The following CCDC57 variants were observed in gnomAD, a reference collection of about 807,000 sequenced individuals.
The protein encoded by CCDC57 is coiled-coil domain containing 57, also known as coiled-coil domain-containing protein 57.
A neutral mutation model predicts 118.9 loss-of-function variants in CCDC57; 118 were observed. That is an observed-to-expected ratio of 0.99 (90% CI 0.86 to 1.16). CCDC57 has a LOEUF of 1.16. Ranked by LOEUF, CCDC57 falls within the 50% of genes most tolerant of loss-of-function variation. The pLI is 0.00. For synonymous variants in CCDC57, 527 were observed against 532.9 expected, an observed-to-expected ratio of 0.99 and a Z score of 0.15; for missense variants, 1,300 against 1,320.7, an observed-to-expected ratio of 0.98 and a Z score of 0.24.
intron 19 of CCDC57, chr17:82,108,839 G>A (rs6502054): frequency 0.51 from 77,362 of 151,642 alleles, 20,426 homozygotes; most frequent in Non-Finnish European, 0.56. Context: ...AAGGAGCCTC[G>A]CTTTCTCCAG....
chr17:82,166,403 TC>T (rs1024983315), intron 13 of CCDC57, among the ~76,000 whole-genome samples: 9 of 149,786 alleles, frequency 6.0e-5, no homozygotes, highest in African/African-American at 2.2e-4. Context: ...TAACCCCAGC[TC>T]TTCAGCAGTC....
intron 13 of CCDC57, among the ~76,000 whole-genome samples, chr17:82,171,462 C>T (rs1400038044): frequency 2.0e-5 from 3 of 149,906 alleles, no homozygotes; most frequent in Admixed American, 6.6e-5. Context: ...AGCCAGGGCA[C>T]GTGGGCTCCG....
chr17:82,170,095 C>T (rs114867071), intron 13 of CCDC57, among the ~76,000 whole-genome samples: 2,495 of 152,258 alleles, frequency 0.016, 72 homozygotes, highest in African/African-American at 0.057. Flanking sequence ...GCTCTGCCCC[C>T]CAAAATTTAC....
rs146215512 is a variant in CCDC57, at chr17:82,195,371, C to G, written c.517-7G>C. On this transcript the variant is annotated splice_polypyrimidine_tract_variant and splice_region_variant and intron_variant, in intron 4 of 19. Coordinates refer to ENST00000665763, the Ensembl canonical transcript of CCDC57. ...CAAACTCCAGCAGCAGTTCCTGGAA[C>G]AAACAGGTTTCATGATGAAAGAACA... 1.5e-5 allele frequency: 23 copies of G among 1,580,206 alleles called. No individual in the cohort carries two copies. In the East Asian group the frequency reaches 5.3e-4, roughly 37 times the overall value.
intron 16 of CCDC57, among the ~76,000 whole-genome samples, chr17:82,140,676 C>T (rs2039893616): frequency 6.6e-6 from 1 of 152,188 alleles, no homozygotes; most frequent in African/African-American, 2.4e-5. Flanking sequence ...GTAACCAAGG[C>T]CCTGCATGGA....
intron 19 of CCDC57, among the ~76,000 whole-genome samples, chr17:82,116,096 C>T (rs2035872835): frequency 7.3e-6 from 1 of 136,708 alleles, no homozygotes; most frequent in African/African-American, 2.8e-5. Context: ...CGCGCCCGGC[C>T]ACAACCTTTT....
At chr17:82,164,451 T>C (rs8078950) in intron 13 of CCDC57, among the ~76,000 whole-genome samples, 1 of 151,916 alleles carries the variant, frequency 6.6e-6, no homozygotes, top group Non-Finnish European at 1.5e-5. Context: ...ACGTTAGTAT[T>C]AGATACTGAG....
chr17:82,127,525 AGGTG>A, intron 19 of CCDC57, 163 bp downstream of exon 18: 3 of 985,448 alleles, frequency 3.0e-6, no homozygotes, highest in Non-Finnish European at 3.6e-6. Context: ...GGAAACACTC[AGGTG>A]CCAAATGAGA....
At chr17:82,170,804 G>A (rs1312892324) in intron 13 of CCDC57, among the ~76,000 whole-genome samples, 2 of 152,174 alleles carry the variant, frequency 1.3e-5, no homozygotes, top group Non-Finnish European at 2.9e-5. Flanking sequence ...TCAATCCCAC[G>A]AATCTCATGA....
At chr17:82,196,807 A>G (rs549463711) in intron 4 of CCDC57, among the ~76,000 whole-genome samples, 2 of 150,656 alleles carry the variant, frequency 1.3e-5, no homozygotes, top group African/African-American at 4.9e-5. Flanking sequence ...ACCTGCAGAG[A>G]CGCAGCCCCT....
At chr17:82,113,044 A>G (rs2035403657) in intron 19 of CCDC57, 7 of 320,792 alleles carry the variant, frequency 2.2e-5, no homozygotes, top group Non-Finnish European at 3.4e-5. Context: ...TTCTTAATGT[A>G]TTTACTTTGT....
At chr17:82,210,594 C>A (rs572772713) in intron 1 of CCDC57, among the ~76,000 whole-genome samples, 1 of 150,986 alleles carries the variant, frequency 6.6e-6, no homozygotes, top group Non-Finnish European at 1.5e-5. Flanking sequence ...GCAGGACAAT[C>A]ACTTGAACCC....
Position 82,188,212 on chromosome 17 carries a change from C to T in CCDC57, c.1052+7G>A, listed in dbSNP as rs920440831. On this transcript the variant is annotated splice_region_variant and intron_variant, in intron 8 of 19. Coordinates refer to ENST00000665763, the Ensembl canonical transcript of CCDC57. Reference sequence around the variant, plus strand: ...CACCCTCTGGGTGGAGCCAAGCACACGCTCACTGGTCAATGGCAGCGTCCT... The same window carrying T: ...CACCCTCTGGGTGGAGCCAAGCACATGCTCACTGGTCAATGGCAGCGTCCT... 9.7e-6 allele frequency: 15 copies of T among 1,542,000 alleles called. No individual in the cohort carries two copies. The highest frequency in any genetic ancestry group is 2.0e-5 in the Admixed American group (1 of 50,792).
intron 17 of CCDC57, 67 bp from the exon 17 acceptor site, chr17:82,128,664 T>G: frequency 7.8e-7 from 1 of 1,276,650 alleles, no homozygotes; most frequent in East Asian, 2.5e-5. Context: ...GTCAGTGAGT[T>G]TTCCCACAAG....
At chr17:82,152,018 C>T in intron 15 of CCDC57, 1 of 522,140 alleles carries the variant, frequency 1.9e-6, no homozygotes, top group Non-Finnish European at 3.4e-6. Context: ...GCCCCCAGAT[C>T]TCCCAGGCCC....
At chr17:82,193,551 A>T (rs896310802) in intron 7 of CCDC57, among the ~76,000 whole-genome samples, 2 of 152,086 alleles carry the variant, frequency 1.3e-5, no homozygotes, top group Non-Finnish European at 2.9e-5. Flanking sequence ...TCAAAAAAAA[A>T]AAAGCAAGCA....
Position 82,101,606 on chromosome 17 carries a change from C to T in CCDC57, c.*76G>A, listed in dbSNP as rs769580451. The T allele has an allele frequency of 5.5e-6, 7 of 1,271,654 alleles. No homozygotes were observed. The Admixed American group carries it at 6.7e-5, about 12-fold the overall frequency. 78.8% of individuals were successfully genotyped at this position (1,271,654 alleles called of 1,614,324 possible). ...TGCACGCTGTGCCCACACCCCCCCA[C>T]AACACGTAGGTGAAAGCACAGGCAC... is the stretch of plus-strand genomic sequence containing the variant. On this transcript the variant is annotated 3_prime_UTR_variant, in exon 20 of 20. Transcript: ENST00000665763.
At chr17:82,175,699 C>T (rs374961521) in intron 11 of CCDC57, 1 of 152,200 alleles carries the variant, frequency 6.6e-6, no homozygotes, top group South Asian at 2.1e-4. Context: ...CTCTGACCAC[C>T]TCGGAACACG....
At chr17:82,119,643 G>A (rs1376147900) in intron 19 of CCDC57, among the ~76,000 whole-genome samples, 1 of 152,044 alleles carries the variant, frequency 6.6e-6, no homozygotes, top group African/African-American at 2.4e-5. Context: ...GAGGGTGCCT[G>A]CAGGTGCTGC....
Sources: allele counts gnomAD v4.1 joint callset (sites outside exome capture counted in the v4.1 genomes callset), GRCh38; gene constraint gnomAD v4.1.1; transcripts MANE v1.5; gene names NCBI Gene and HGNC (gene_info 2026-07-23, HGNC 2026-07-21).